KCNC2: variants seen among roughly 807,000 people sequenced by gnomAD.
The protein encoded by KCNC2 is voltage-gated potassium channel KCNC2.
KCNC2 carries 21 observed loss-of-function variants against 44.5 expected under a neutral mutation model. The observed-to-expected ratio is 0.47, with a 90% CI of 0.33 to 0.68. The LOEUF is 0.68. Among genes scored for constraint, KCNC2 ranks in the 30% least tolerant of loss-of-function variants. KCNC2 has a pLI of 0.01. For missense variants in KCNC2, 589 were observed against 826.2 expected (o/e 0.71, Z 3.52); for synonymous variants, 391 against 339.1 (o/e 1.15, Z -1.68).
intron 2 of KCNC2, among the ~76,000 whole-genome samples, chr12:75,112,256 C>T (rs1316045735): frequency 1.3e-5 from 2 of 151,834 alleles, no homozygotes; most frequent in African/African-American, 4.8e-5. Flanking sequence ...TATTCTCCAA[C>T]TATTAAATAT....
At chr12:75,112,002 AAATAAC>A (rs1205225717) in intron 2 of KCNC2, among the ~76,000 whole-genome samples, 1 of 138,638 alleles carries the variant, frequency 7.2e-6, no homozygotes, top group Non-Finnish European at 1.5e-5. Flanking sequence ...AATTCAATAA[AAATAAC>A]AAATACTCTA....
intron 2 of KCNC2, among the ~76,000 whole-genome samples, chr12:75,154,336 A>G (rs1163822418): frequency 2.0e-5 from 3 of 152,032 alleles, no homozygotes; most frequent in African/African-American, 7.2e-5. Context: ...AATATTTTTG[A>G]TACAAAACTG....
intron 2 of KCNC2, among the ~76,000 whole-genome samples, chr12:75,119,080 C>G (rs1260501781): frequency 6.6e-6 from 1 of 152,122 alleles, no homozygotes; most frequent in Non-Finnish European, 1.5e-5. Context: ...AACAACGAAC[C>G]AATTAATTGA....
chr12:75,163,425 C>G (rs1451557049), intron 2 of KCNC2, among the ~76,000 whole-genome samples: 1 of 151,612 alleles, frequency 6.6e-6, no homozygotes, highest in African/African-American at 2.4e-5. Context: ...TTGAAGTCAA[C>G]CAGATGGTGA....
chr12:75,116,492 A>G (rs980264103), intron 2 of KCNC2, among the ~76,000 whole-genome samples: 4 of 152,218 alleles, frequency 2.6e-5, no homozygotes, highest in African/African-American at 9.6e-5. Context: ...TTTCTTATTC[A>G]GATTCAAATG....
At chr12:75,128,043 A>G (rs1888560564) in intron 2 of KCNC2, among the ~76,000 whole-genome samples, 1 of 152,210 alleles carries the variant, frequency 6.6e-6, no homozygotes, top group Non-Finnish European at 1.5e-5. Flanking sequence ...TCCATGTAAT[A>G]ATCACAAAAT....
At chr12:75,184,088 C>T (rs1256294460) in intron 2 of KCNC2, among the ~76,000 whole-genome samples, 2 of 152,174 alleles carry the variant, frequency 1.3e-5, no homozygotes, top group African/African-American at 4.8e-5. Context: ...TCTCCATCTC[C>T]TCCGCTTGAT....
intron 2 of KCNC2, among the ~76,000 whole-genome samples, chr12:75,166,169 CATTTT>C (rs1360290558): frequency 2.0e-5 from 3 of 150,874 alleles, no homozygotes; most frequent in Non-Finnish European, 4.5e-5. Flanking sequence ...GAGAAATAAA[CATTTT>C]ATAACTGTAT....
In KCNC2 at chr12:75,207,734, TGCCCGCGCCGCCCTCGAAGCAGCC is replaced by T. The variant is rs1235328231; in HGVS notation, c.226_249del (p.Gly76_Gly83del). 1.9e-6 allele frequency: 3 copies of T among 1,568,824 alleles called. No homozygotes were observed. Among genetic ancestry groups the T allele is most frequent in the Non-Finnish European group, 2.6e-6 (3 of 1,157,324 alleles). On this transcript the variant is annotated inframe_deletion, in exon 2 of 5. Coordinates refer to ENST00000549446, the MANE Select transcript of KCNC2 (RefSeq NM_139137.4). This position sits in a 1 kb window ranked among gnomAD's most constrained non-coding sequence, Gnocchi z 4.1. ...GCCCTGCCGCCGCGGGAACTGCAGTTGCCCGCGCCGCCCTCGAAGCAGCCGCCTGGCCCGGGGGACAGCGGGGGC... is the reference window on the plus strand; with the variant it reads ...GCCCTGCCGCCGCGGGAACTGCAGTTGCCTGGCCCGGGGGACAGCGGGGGC...
At chr12:75,051,348 T>C in intron 2 of KCNC2, 31 bp from the exon 3 acceptor site, 2 of 1,253,296 alleles carry the variant, frequency 1.6e-6, no homozygotes, top group Non-Finnish European at 2.2e-6. Flanking sequence ...AAAAAACCCA[T>C]AGTGATCTGA....
Position 75,047,715 on chromosome 12 carries a change from G to C in KCNC2, c.1780+438C>G, listed in dbSNP as rs189808830. 2.1e-3 allele frequency among the ~76,000 whole-genome samples: 323 copies of C among 151,922 alleles called. 3 individuals carry two copies. The highest frequency in any genetic ancestry group is 6.9e-3 in the African/African-American group (286 of 41,462). On this transcript the variant is annotated intron_variant, in intron 4 of 4. Transcript: ENST00000549446. ...TTAGAAACATTAGAGAACGTTTAAT[G>C]CTTTACTTTGAGAAAAAAAAACTTA...
chr12:75,148,131 C>T (rs1030856775), intron 2 of KCNC2, among the ~76,000 whole-genome samples: 2 of 152,046 alleles, frequency 1.3e-5, no homozygotes, highest in African/African-American at 4.8e-5. Flanking sequence ...TATATCAGAA[C>T]ATTGCATTGT....
intron 2 of KCNC2, among the ~76,000 whole-genome samples, chr12:75,156,594 C>A (rs1183731522): frequency 2.6e-5 from 4 of 151,770 alleles, no homozygotes; most frequent in Non-Finnish European, 4.4e-5. Context: ...AAGACAATTT[C>A]TTTCAACCTC....
intron 2 of KCNC2, among the ~76,000 whole-genome samples, chr12:75,127,429 A>T (rs770061031): frequency 1.3e-5 from 2 of 152,154 alleles, no homozygotes; most frequent in Admixed American, 6.5e-5. Flanking sequence ...TAGTGATTGG[A>T]ATTAATAAAT....
In KCNC2 at chr12:75,186,185, A is replaced by C. The variant is rs1034354908; in HGVS notation, c.687+21112T>G. Among the ~76,000 whole-genome samples, 5 of 152,166 alleles carry C rather than the reference A, an allele frequency of 3.3e-5. No homozygotes were observed. The South Asian group carries it at 1.0e-3, about 32-fold the overall frequency. On this transcript the variant is annotated intron_variant, in intron 2 of 4. Coordinates refer to ENST00000549446, the MANE Select transcript of KCNC2 (RefSeq NM_139137.4). ...GAGTCTACAAATCATATACCTTGGGAAATTTTTTTCTGGCTTCTCTGAGGC... is the reference window on the plus strand; with the variant it reads ...GAGTCTACAAATCATATACCTTGGGCAATTTTTTTCTGGCTTCTCTGAGGC...
chr12:75,181,275 A>C (rs1412721883), intron 2 of KCNC2, among the ~76,000 whole-genome samples: 1 of 152,232 alleles, frequency 6.6e-6, no homozygotes, highest in Non-Finnish European at 1.5e-5. Flanking sequence ...CTCTTGTCAC[A>C]AAATAAACTG....
At chr12:75,049,785 A>C (rs1482859116) in intron 3 of KCNC2, among the ~76,000 whole-genome samples, 1 of 152,142 alleles carries the variant, frequency 6.6e-6, no homozygotes, top group Non-Finnish European at 1.5e-5. Flanking sequence ...GGTTATAATG[A>C]GATACCCTAC....
chr12:75,063,356 C>T lies in KCNC2; in HGVS notation c.688-12039G>A, dbSNP rs1034666033. Among the ~76,000 whole-genome samples the T allele has an allele frequency of 7.2e-5, 11 of 151,984 alleles. 1 individual carries two copies. Among genetic ancestry groups the T allele is most frequent in the Middle Eastern group, 6.8e-3 (2 of 294 alleles). ...ATCAATCAATACTCAACATATGATT[C>T]AATGATAAATGTTAAACTCACATGT... On this transcript the variant is annotated intron_variant, in intron 2 of 4. Coordinates refer to ENST00000549446, the MANE Select transcript of KCNC2 (RefSeq NM_139137.4).
intron 2 of KCNC2, among the ~76,000 whole-genome samples, chr12:75,095,314 G>A (rs989602923): frequency 1.3e-5 from 2 of 151,702 alleles, no homozygotes; most frequent in Non-Finnish European, 3.0e-5. Flanking sequence ...TAGTTGCACA[G>A]GGCCCACACA....
Sources: allele counts gnomAD v4.1 joint callset (sites outside exome capture counted in the v4.1 genomes callset), GRCh38; gene constraint gnomAD v4.1.1; non-coding constraint Gnocchi (gnomAD v3.1); transcripts MANE v1.5; gene names NCBI Gene and HGNC (gene_info 2026-07-23, HGNC 2026-07-21).